The following USP45 variants were observed in gnomAD, a reference collection of about 807,000 sequenced individuals.
The protein encoded by USP45 is ubiquitin specific peptidase 45.
USP45 carries 89 observed loss-of-function variants against 95.8 expected under a neutral mutation model. That is an observed-to-expected ratio of 0.93 (90% confidence interval 0.78 to 1.11). USP45 has a LOEUF of 1.11. USP45 is among the 50% of genes least tolerant of loss of function. The pLI, the probability that USP45 is intolerant of heterozygous loss-of-function variation, is 0.00. For synonymous variants in USP45, 281 were observed against 316.2 expected, an observed-to-expected ratio of 0.89 and a Z score of 1.18; for missense variants, 898 against 942.5, an observed-to-expected ratio of 0.95 and a Z score of 0.62.
chr6:99,466,007 T>C (rs1562352720), intron 11 of USP45, among the ~76,000 whole-genome samples: 1 of 152,204 alleles, frequency 6.6e-6, no homozygotes, highest in South Asian at 2.1e-4. Flanking sequence ...CATTAAGTTA[T>C]TTCTATTGGA....
chr6:99,434,873 G>C lies in USP45; in HGVS notation c.*843C>G, dbSNP rs1046052223. 1.3e-5 allele frequency: 2 copies of C among 152,008 alleles called. No individual in the cohort carries two copies. The highest frequency in any genetic ancestry group is 2.9e-5 in the Non-Finnish European group (2 of 67,984). The allele number at this position is 152,008 out of a possible 1,614,324, so 9.4% of individuals were successfully genotyped here. A position where few individuals can be genotyped will look rare whatever the true frequency, so the allele number is the denominator to read the frequency against. ...TTATAATCATCTATATTGGGCCTTG[G>C]CCAACCACCTGCAAGTTATCCTTAA... On this transcript the variant is annotated 3_prime_UTR_variant, in exon 18 of 18. Transcript: ENST00000500704.
rs1284271457 is a variant in USP45 at position 99,468,667 on chromosome 6, C to T, written c.934-49G>A. On this transcript the variant is annotated intron_variant, in intron 9 of 17. Transcript: ENST00000500704. The stretch of plus-strand genomic sequence containing the variant: ...CTGGTCTAATAATAGTTAACTCAGG[C>T]CTCATCCTCCTAATAAAAGTACTTT... The T allele has an allele frequency of 4.1e-6, 5 of 1,207,376 alleles. No individual in the cohort carries two copies. The South Asian group carries it at 6.8e-5, about 16-fold the overall frequency. The allele number at this position is 1,207,376 out of a possible 1,614,324, so 74.8% of individuals were successfully genotyped here.
intron 7 of USP45, among the ~76,000 whole-genome samples, chr6:99,484,004 GTTTT>G (rs773687208): frequency 2.6e-4 from 24 of 91,464 alleles, no homozygotes; most frequent in East Asian, 7.7e-4. Flanking sequence ...ATTTTCCATA[GTTTT>G]TTTTTTTTTT....
chr6:99,480,143 AC>A (rs1339338650), intron 8 of USP45, among the ~76,000 whole-genome samples: 4 of 152,228 alleles, frequency 2.6e-5, no homozygotes, highest in African/African-American at 9.6e-5. Flanking sequence ...TAAAAAGAGT[AC>A]CATTTACAAT....
intron 13 of USP45, among the ~76,000 whole-genome samples, chr6:99,457,194 G>A (rs1346136333): frequency 6.6e-6 from 1 of 151,974 alleles, no homozygotes; most frequent in African/African-American, 2.4e-5. Context: ...CTGTCCTGTG[G>A]TCCTGTGATC....
At position 99,445,964 on chromosome 6, in the gene USP45, G is replaced by A. The variant is rs1324867045; in HGVS notation, c.1808C>T (p.Ala603Val). 6.2e-7 allele frequency: 1 copy of A among 1,613,830 alleles called. No homozygotes were observed. The highest frequency in any genetic ancestry group is 8.5e-7 in the Non-Finnish European group (1 of 1,180,000). ...KHLRSYSPQNAFQTLSQSYIT... is the reference protein window; with the variant it reads ...KHLRSYSPQNVFQTLSQSYIT... ...ATAGCTCTGAGAAAGGGTCTGAAAA[G>A]CATTTTGGGGACTATAAGACCTCAA... Residue 603 changes from alanine to valine, a missense_variant, in exon 14 of 18, where the codon GCT becomes GTT. Transcript: ENST00000500704.
chr6:99,475,069 T>C (rs1790466296), intron 9 of USP45, among the ~76,000 whole-genome samples: 1 of 152,146 alleles, frequency 6.6e-6, no homozygotes, highest in African/African-American at 2.4e-5. Flanking sequence ...TAATCCAACA[T>C]GGAATAATGA....
At chr6:99,468,212 A>G in intron 10 of USP45, 1 of 467,432 alleles carries the variant, frequency 2.1e-6, no homozygotes, top group Non-Finnish European at 4.3e-6. Flanking sequence ...ACACATGTCA[A>G]ATGATACAAT....
At chr6:99,507,403 C>T (rs1015475220) in intron 4 of USP45, 25 bp downstream of exon 4, 22 of 1,470,972 alleles carry the variant, frequency 1.5e-5, no homozygotes, top group Non-Finnish European at 2.1e-5. Context: ...TTAGTGGACA[C>T]AAGAACTAAC....
rs1377365367 is a variant in USP45 at position 99,464,637 on chromosome 6, T to C, written c.1275A>G (p.Arg425=). The change falls in exon 13 of 18, where the codon AGA becomes AGG. Residue 425 remains arginine (R), a synonymous_variant. Transcript: ENST00000500704. The stretch of plus-strand genomic sequence containing the variant: ...TAGATGAAGAATGCTTCTTGGCAGC[T>C]CTAGGTTGATGAATATTTTCTATAG... ...NVTIENIHQP[R]AAKKHSSSKD... 1 of 1,613,462 alleles carries C rather than the reference T, an allele frequency of 6.2e-7. No individual in the cohort carries two copies. Among genetic ancestry groups the C allele is most frequent in the Admixed American group, 1.7e-5 (1 of 60,016 alleles).
chr6:99,444,765 T>C (rs918882378), intron 14 of USP45, among the ~76,000 whole-genome samples: 25 of 152,304 alleles, frequency 1.6e-4, no homozygotes, highest in African/African-American at 5.8e-4. Context: ...CTCCTGCCCA[T>C]GTTTTCCCCT....
chr6:99,502,003 C>T (rs1435328878), intron 5 of USP45: 1 of 1,300,086 alleles, frequency 7.7e-7, no homozygotes, highest in Non-Finnish European at 1.0e-6. Flanking sequence ...CAGGATGGGG[C>T]CTGGCCCTGC....
chr6:99,496,779 A>T (rs1796393741), intron 5 of USP45, among the ~76,000 whole-genome samples: 2 of 152,096 alleles, frequency 1.3e-5, no homozygotes. Context: ...ATTTTTTTTC[A>T]AGCAGGTTTT....
At chr6:99,455,164 G>T (rs1285491787) in intron 13 of USP45, among the ~76,000 whole-genome samples, 1 of 152,030 alleles carries the variant, frequency 6.6e-6, no homozygotes, top group East Asian at 1.9e-4. Flanking sequence ...AAATAGGGCT[G>T]GGTGCGATGG....
intron 1 of USP45, among the ~76,000 whole-genome samples, chr6:99,512,191 G>A (rs769687772): frequency 8.6e-5 from 13 of 151,928 alleles, no homozygotes; most frequent in Non-Finnish European, 1.3e-4. Context: ...CCTGTTACTT[G>A]CCTAAGACTT....
intron 1 of USP45, among the ~76,000 whole-genome samples, chr6:99,511,433 G>A (rs959652912): frequency 6.6e-6 from 1 of 151,730 alleles, no homozygotes. Flanking sequence ...GATTACAGGC[G>A]TGAGCCACCG....
intron 16 of USP45, 126 bp downstream of exon 16, chr6:99,439,643 A>G (rs1039426613): frequency 6.1e-5 from 35 of 575,190 alleles, no homozygotes; most frequent in Non-Finnish European, 9.4e-5. Flanking sequence ...TGACTTAATC[A>G]CTGGCTATTA....
chr6:99,507,319 C>T, intron 4 of USP45, 109 bp downstream of exon 4: 3 of 560,490 alleles, frequency 5.4e-6, no homozygotes, highest in Non-Finnish European at 9.4e-6. Context: ...GGTTAAAAAA[C>T]CATAAGCTGA....
intron 10 of USP45, among the ~76,000 whole-genome samples, 160 bp from the exon 11 acceptor site, chr6:99,466,923 C>A (rs2128635875): frequency 6.6e-6 from 1 of 152,282 alleles, no homozygotes; most frequent in South Asian, 2.1e-4. Context: ...AAGTCTTTCT[C>A]CTTTACAATT....
Sources: allele counts gnomAD v4.1 joint callset (sites outside exome capture counted in the v4.1 genomes callset), GRCh38; gene constraint gnomAD v4.1.1; transcripts MANE v1.5; gene names NCBI Gene and HGNC (gene_info 2026-07-23, HGNC 2026-07-21).